The following ANTXR1 variants were observed in gnomAD, a reference collection of about 807,000 sequenced individuals.
The protein encoded by ANTXR1 is anthrax toxin receptor 1.
ANTXR1 carries 19 observed loss-of-function variants against 78.1 expected under a neutral mutation model. The observed-to-expected ratio is 0.24, with a 90% CI of 0.17 to 0.36. The LOEUF is 0.36. ANTXR1 is among the 10% of genes least tolerant of loss of function. The pLI, the probability that ANTXR1 is intolerant of heterozygous loss-of-function variation, is 1.00. For synonymous variants in ANTXR1, 273 were observed against 260.5 expected (o/e 1.05, Z -0.46); for missense variants, 518 against 718.6 (o/e 0.72, Z 3.19).
intron 6 of ANTXR1, among the ~76,000 whole-genome samples, chr2:69,075,196 T>C (rs1422797439): frequency 1.3e-5 from 2 of 152,188 alleles, no homozygotes; most frequent in African/African-American, 2.4e-5. Flanking sequence ...AACTCAACTA[T>C]ATCAAGTTCC....
At chr2:69,049,608 C>T (rs921905128) in intron 3 of ANTXR1, among the ~76,000 whole-genome samples, 1 of 152,178 alleles carries the variant, frequency 6.6e-6, no homozygotes, top group Non-Finnish European at 1.5e-5. Context: ...CCACATCTGC[C>T]TTCTTATCCC....
intron 17 of ANTXR1, among the ~76,000 whole-genome samples, chr2:69,197,372 A>G (rs1157555693): frequency 6.6e-6 from 1 of 152,174 alleles, no homozygotes; most frequent in African/African-American, 2.4e-5. Context: ...CAGAATCCTT[A>G]GCTTGATTTA....
intron 10 of ANTXR1, among the ~76,000 whole-genome samples, chr2:69,118,818 G>A (rs1029147833): frequency 6.6e-6 from 1 of 152,110 alleles, no homozygotes; most frequent in Non-Finnish European, 1.5e-5. Context: ...CCTGAGTTAT[G>A]GAAACCAAAT....
chr2:69,110,080 T>G (rs192948375), intron 10 of ANTXR1, among the ~76,000 whole-genome samples: 2 of 152,188 alleles, frequency 1.3e-5, no homozygotes, highest in East Asian at 3.9e-4. Flanking sequence ...AAAATGCAAA[T>G]TGAAATAATC....
rs1159370829 is a variant in ANTXR1 at position 69,071,602 on chromosome 2, G to A, written c.379-152G>A. ...GAGAGGTAACTTTACATGGATATCA[G>A]CCACTGATAATTGAGCAAAGCCTGG... On this transcript the variant is annotated intron_variant, in intron 4 of 17. Transcript: ENST00000303714. 3 of 753,240 alleles carry A rather than the reference G, an allele frequency of 4.0e-6. No individual in the cohort carries two copies. In the Admixed American group the frequency reaches 6.2e-5, roughly 15 times the overall value. 46.7% of individuals were successfully genotyped at this position (753,240 alleles called of 1,614,324 possible).
chr2:69,216,435 A>G (rs190577193), intron 17 of ANTXR1, among the ~76,000 whole-genome samples: 3 of 152,150 alleles, frequency 2.0e-5, no homozygotes, highest in Non-Finnish European at 2.9e-5. Flanking sequence ...ACATATACAC[A>G]CATACATATA....
At chr2:69,182,760 C>T in intron 16 of ANTXR1, 100 bp downstream of exon 16, 1 of 1,477,136 alleles carries the variant, frequency 6.8e-7, no homozygotes, top group Non-Finnish European at 9.4e-7. Flanking sequence ...CAACCTAAAA[C>T]CCAGCTTATC....
intron 17 of ANTXR1, among the ~76,000 whole-genome samples, chr2:69,214,937 T>C (rs1388249133): frequency 1.3e-5 from 2 of 152,208 alleles, no homozygotes; most frequent in Non-Finnish European, 2.9e-5. Context: ...CACCTCCAGC[T>C]TGTTACTGCC....
chr2:69,170,191 C>A lies in ANTXR1; in HGVS notation c.1048-57C>A, dbSNP rs1189791627. The stretch of plus-strand genomic sequence containing the variant: ...CACGGTACCTCCTGACAGCAAGCCT[C>A]TTAGGAGGCAGGTAGCCAGAGATTT... On this transcript the variant is annotated intron_variant, in intron 13 of 17. Transcript: ENST00000303714. 6 of 1,599,638 alleles carry A rather than the reference C, an allele frequency of 3.8e-6. No homozygotes were observed. In the African/African-American group the frequency reaches 5.4e-5, roughly 14 times the overall value.
intron 8 of ANTXR1, among the ~76,000 whole-genome samples, chr2:69,084,646 G>A (rs762693172): frequency 7.2e-6 from 1 of 139,624 alleles, no homozygotes; most frequent in Non-Finnish European, 1.5e-5. Context: ...GCCCAGGCTG[G>A]TCTCAAACTC....
chr2:69,041,295 G>A (rs1168906304), intron 2 of ANTXR1, among the ~76,000 whole-genome samples: 1 of 152,182 alleles, frequency 6.6e-6, no homozygotes. Context: ...AATAGCTCTG[G>A]TGAAAACTCA....
rs1676006037 is a variant in ANTXR1, at chr2:69,245,646, A to G, written c.*161A>G. ...ATACCAACAATCATGATCAGCTGAA[A>G]GAAACAGATATTTTAAATTGCCAGA... is the stretch of plus-strand genomic sequence containing the variant. On this transcript the variant is annotated 3_prime_UTR_variant, in exon 18 of 18. Coordinates refer to ENST00000303714, the MANE Select transcript of ANTXR1 (RefSeq NM_032208.3). The G allele has an allele frequency of 2.0e-6, 2 of 996,666 alleles. No individual in the cohort carries two copies. 61.7% of individuals were successfully genotyped at this position (996,666 alleles called of 1,614,324 possible).
chr2:69,020,043 G>T (rs111710285), intron 1 of ANTXR1, among the ~76,000 whole-genome samples: 429 of 152,240 alleles, frequency 2.8e-3, no homozygotes, highest in African/African-American at 9.8e-3. Context: ...GTGAACATAT[G>T]CATGCATGTA....
rs6741210 is a variant in ANTXR1 at position 69,209,400 on chromosome 2, G to A, written c.1434+15985G>A. Among the ~76,000 whole-genome samples the A allele has an allele frequency of 7.8e-3, 1,192 of 152,248 alleles. 14 individuals are homozygous for A. The highest frequency in any genetic ancestry group is 0.028 in the African/African-American group (1,145 of 41,544). On this transcript the variant is annotated intron_variant, in intron 17 of 17. Coordinates refer to ENST00000303714, the MANE Select transcript of ANTXR1 (RefSeq NM_032208.3). ...GGGAAATTATCTTTACAGAGGGCTC[G>A]AGTGCCTGTGCCCCACAGCTGATAA... is the stretch of plus-strand genomic sequence containing the variant.
intron 8 of ANTXR1, among the ~76,000 whole-genome samples, chr2:69,081,228 G>T (rs1356613136): frequency 6.6e-6 from 1 of 152,150 alleles, no homozygotes; most frequent in Non-Finnish European, 1.5e-5. Flanking sequence ...TGGTGGAGTG[G>T]GGAATTTGAA....
intron 3 of ANTXR1, among the ~76,000 whole-genome samples, chr2:69,070,152 G>A (rs543721574): frequency 5.9e-5 from 9 of 152,160 alleles, no homozygotes; most frequent in African/African-American, 1.9e-4. Flanking sequence ...CCTGGAAAGC[G>A]GAGATTCCTT....
At chr2:69,022,496 G>C (rs1671221392) in intron 1 of ANTXR1, among the ~76,000 whole-genome samples, 1 of 152,216 alleles carries the variant, frequency 6.6e-6, no homozygotes, top group Non-Finnish European at 1.5e-5. Context: ...TTGATTCCTA[G>C]CATCCAAGAA....
At chr2:69,020,546 T>C (rs966374850) in intron 1 of ANTXR1, among the ~76,000 whole-genome samples, 6 of 152,198 alleles carry the variant, frequency 3.9e-5, no homozygotes, top group Non-Finnish European at 7.3e-5. Context: ...CCTGTAATTA[T>C]GTCCAAATGC....
chr2:69,184,953 A>G (rs1674383562), intron 16 of ANTXR1, among the ~76,000 whole-genome samples: 1 of 152,162 alleles, frequency 6.6e-6, no homozygotes, highest in South Asian at 2.1e-4. Context: ...ATCTTTTCCT[A>G]TCAAGTGAAA....
Sources: gnomAD v4.1 joint callset for allele counts (sites outside exome capture counted in the v4.1 genomes callset) on GRCh38, gnomAD v4.1.1 for gene constraint, MANE v1.5 for transcripts, NCBI Gene and HGNC (gene_info 2026-07-23, HGNC 2026-07-21) for gene names.